Variants in STX16 observed in about 807,000 individuals in gnomAD.
The protein encoded by STX16 is syntaxin-16.
STX16 carries 28 observed loss-of-function variants against 42.7 expected under a neutral mutation model. The observed-to-expected ratio is 0.66, with a 90% CI of 0.49 to 0.90. The LOEUF is 0.90. STX16 is among the 40% of genes least tolerant of loss of function. STX16 has a pLI of 0.00. For missense variants in STX16, 361 were observed against 420.9 expected (o/e 0.86, Z 1.24); for synonymous variants, 156 against 155.2 (o/e 1.00, Z -0.04).
chr20:58,661,912 C>T (rs2083709603), intron 2 of STX16, among the ~76,000 whole-genome samples: 1 of 152,210 alleles, frequency 6.6e-6, no homozygotes, highest in Non-Finnish European at 1.5e-5. Context: ...AGAGTAAAGG[C>T]ATCTGACGGC....
intron 2 of STX16, 99 bp from the exon 3 acceptor site, chr20:58,667,391 C>A: frequency 1.0e-6 from 1 of 987,288 alleles, no homozygotes; most frequent in Non-Finnish European, 1.6e-6. Context: ...TCACTCCTTT[C>A]TGTATCTTTT....
At chr20:58,663,456 C>T (rs1215344310) in intron 2 of STX16, among the ~76,000 whole-genome samples, 1 of 152,194 alleles carries the variant, frequency 6.6e-6, no homozygotes, top group African/African-American at 2.4e-5. Flanking sequence ...TTTAGTGAGA[C>T]TGGCAGGAAA....
At chr20:58,670,399 G>C (rs2083940224) in intron 5 of STX16, 113 bp from the exon 6 acceptor site, 1 of 807,730 alleles carries the variant, frequency 1.2e-6, no homozygotes, top group Non-Finnish European at 2.0e-6. Flanking sequence ...AAGCGGCTAA[G>C]AATATCTCAA....
At chr20:58,671,318 C>G (rs761607016) in intron 7 of STX16, 21 bp downstream of exon 7, 2 of 1,587,562 alleles carry the variant, frequency 1.3e-6, no homozygotes, top group Non-Finnish European at 1.7e-6. Context: ...TGGCCTTCCT[C>G]GTGAATAGGT....
chr20:58,661,212 T>A (rs2083691487), intron 2 of STX16, among the ~76,000 whole-genome samples: 1 of 152,212 alleles, frequency 6.6e-6, no homozygotes, highest in African/African-American at 2.4e-5. Context: ...CCACTTAGGT[T>A]GAAGAACCAT....
intron 1 of STX16, among the ~76,000 whole-genome samples, chr20:58,654,883 T>C (rs1440053603): frequency 6.6e-6 from 1 of 152,228 alleles, no homozygotes; most frequent in Non-Finnish European, 1.5e-5. Context: ...TTGTTACTCA[T>C]TGTTAAGTCT....
chr20:58,665,547 G>A (rs1461442287), intron 2 of STX16, among the ~76,000 whole-genome samples: 1 of 152,030 alleles, frequency 6.6e-6, no homozygotes, highest in Non-Finnish European at 1.5e-5. Context: ...CATATTTATA[G>A]GTTAGAATAA....
rs540245655 is a variant in STX16 at position 58,673,534 on chromosome 20, A to T, written c.793-97A>T. On this transcript the variant is annotated intron_variant, in intron 7 of 8. Coordinates refer to ENST00000371141, the MANE Select transcript of STX16 (RefSeq NM_001001433.3). ...ACACAGGGAAGGAAAACATCATCTTATGGATGATGATGTCTGTAATTTGCA... is the reference window on the plus strand; with the variant it reads ...ACACAGGGAAGGAAAACATCATCTTTTGGATGATGATGTCTGTAATTTGCA... 1.7e-5 allele frequency: 14 copies of T among 806,568 alleles called. No individual in the cohort carries two copies. In the South Asian group the frequency reaches 2.1e-4, roughly 12 times the overall value. The allele number at this position is 806,568 out of a possible 1,614,324, so 50.0% of individuals were successfully genotyped here. A position where few individuals can be genotyped will look rare whatever the true frequency, so the allele number is the denominator to read the frequency against.
intron 1 of STX16, among the ~76,000 whole-genome samples, chr20:58,656,540 G>C (rs2083590758): frequency 6.6e-6 from 1 of 152,176 alleles, no homozygotes; most frequent in Non-Finnish European, 1.5e-5. Context: ...ATTCTGTATG[G>C]ATTTGTGTGG....
intron 1 of STX16, 82 bp downstream of exon 1, chr20:58,652,220 T>A: frequency 6.4e-7 from 1 of 1,574,414 alleles, no homozygotes; most frequent in Non-Finnish European, 8.7e-7. Context: ...TCTGTCTCTC[T>A]GTTTAAAAAG....
At position 58,669,303 on chromosome 20, in the gene STX16, T is replaced by A. The variant is rs1601034075; in HGVS notation, c.406T>A (p.Cys136Ser). The A allele has an allele frequency of 6.2e-7, 1 of 1,610,942 alleles. No individual in the cohort carries two copies. The highest frequency in any genetic ancestry group is 8.5e-7 in the Non-Finnish European group (1 of 1,179,542). Reference protein sequence around the residue: ...TQEITQLFHRCQRAVQALPSR... With the variant: ...TQEITQLFHRSQRAVQALPSR... ...CTTGTTCTCTTAGCTCTTCCACAGG[T>A]GCCAGCGTGCCGTGCAGGCCCTGCC... The change falls in exon 5 of 9, where the codon TGC (cysteine) becomes AGC (serine). Residue 136 changes from cysteine to serine, a missense_variant. Coordinates refer to ENST00000371141, the MANE Select transcript of STX16 (RefSeq NM_001001433.3).
rs1392944685 is a variant in STX16 at position 58,670,608 on chromosome 20, GT to G, written c.648+6del. The G allele has an allele frequency of 4.3e-6, 7 of 1,612,746 alleles. No individual in the cohort carries two copies. The highest frequency in any genetic ancestry group is 3.3e-4 in the Middle Eastern group (2 of 6,082). The stretch of plus-strand genomic sequence containing the variant: ...GATAACACTCTTTACCATCGGGTAC[GT>G]GAACGGGCTGCAAAGCTGATTGCTG... On this transcript the variant is annotated splice_donor_region_variant and intron_variant, in intron 6 of 8. Transcript: ENST00000371141.
intron 1 of STX16, among the ~76,000 whole-genome samples, chr20:58,652,511 C>T (rs1568809141): frequency 6.6e-6 from 1 of 152,134 alleles, no homozygotes; most frequent in African/African-American, 2.4e-5. Flanking sequence ...CTCCCCTCCC[C>T]CCAGTAATGA....
chr20:58,674,064 T>C (rs1002819030), intron 8 of STX16, among the ~76,000 whole-genome samples: 1 of 152,224 alleles, frequency 6.6e-6, no homozygotes, highest in African/African-American at 2.4e-5. Context: ...TGCTAAAATA[T>C]GTGTTGAAAA....
intron 1 of STX16, among the ~76,000 whole-genome samples, chr20:58,653,511 G>GT (rs996252777): frequency 5.3e-5 from 8 of 151,918 alleles, no homozygotes; most frequent in Middle Eastern, 3.4e-3. Context: ...AAGTTGAAGG[G>GT]TTTTTTTTAC....
Position 58,652,084 on chromosome 20 carries a change from G to T in STX16, c.78G>T (p.Glu26Asp), listed in dbSNP as rs771552339. 27 of 1,614,104 alleles carry T rather than the reference G, an allele frequency of 1.7e-5. No homozygotes were observed. The highest frequency in any genetic ancestry group is 2.3e-5 in the Non-Finnish European group (27 of 1,180,044). The part of the protein sequence containing the change: ...NSIQNRQLLA[E>D]QVSSHITSSP... ...TCCAAAACCGGCAGCTGTTAGCCGA[G>T]CAAGTGAGTAGTCACATCACCTCCA... Residue 26 changes from glutamate (E) to aspartate (D), a missense_variant, in exon 1 of 9, where the codon GAG becomes GAT. Physicochemically the swap from Glu to Asp is conservative, Grantham distance 45. Coordinates refer to ENST00000371141, the MANE Select transcript of STX16 (RefSeq NM_001001433.3).
At chr20:58,656,835 C>T (rs1363607691) in intron 1 of STX16, among the ~76,000 whole-genome samples, 1 of 152,152 alleles carries the variant, frequency 6.6e-6, no homozygotes, top group African/African-American at 2.4e-5. Flanking sequence ...TACTTTGTGC[C>T]TGGCTCTGGG....
At position 58,657,409 on chromosome 20, in the gene STX16, G is replaced by A. The variant is rs1013950880; in HGVS notation, c.133-2214G>A. On this transcript the variant is annotated intron_variant, in intron 1 of 8. Coordinates refer to ENST00000371141, the MANE Select transcript of STX16 (RefSeq NM_001001433.3). This position sits in a 1 kb window ranked among gnomAD's most constrained non-coding sequence, Gnocchi z 4.2. ...AGCAAACTTTTATTTTGGCAGTAAC[G>A]GAAATAAAGTAAATATCACTATAGC... Among the ~76,000 whole-genome samples the A allele has an allele frequency of 3.9e-5, 6 of 152,114 alleles. No homozygotes were observed. Among genetic ancestry groups the A allele is most frequent in the African/African-American group, 1.2e-4 (5 of 41,422 alleles).
intron 1 of STX16, among the ~76,000 whole-genome samples, chr20:58,655,313 G>T (rs547239104): frequency 6.6e-6 from 1 of 152,292 alleles, no homozygotes; most frequent in Non-Finnish European, 1.5e-5. Flanking sequence ...CTAAAGCCAT[G>T]CCATTCAAAA....
Sources: gnomAD v4.1 joint callset for allele counts (sites outside exome capture counted in the v4.1 genomes callset) on GRCh38, gnomAD v4.1.1 for gene constraint, Gnocchi (gnomAD v3.1) non-coding constraint, MANE v1.5 for transcripts, NCBI Gene and HGNC (gene_info 2026-07-23, HGNC 2026-07-21) for gene names.